Variants in KCNT2 observed in about 807,000 individuals in gnomAD.
KCNT2 encodes the protein potassium channel subfamily T member 2.
In KCNT2, 67 loss-of-function variants were observed where a neutral mutation model predicts 153.8. The ratio of observed to expected loss-of-function variants is 0.44; its 90% CI spans 0.36 to 0.53. KCNT2 has a LOEUF of 0.53. KCNT2 is among the 20% of genes least tolerant of loss of function. The pLI, the probability that KCNT2 is intolerant of heterozygous loss-of-function variation, is 0.00. For missense variants in KCNT2, 975 were observed against 1,354.8 expected (o/e 0.72, Z 4.40); for synonymous variants, 500 against 458.8 (o/e 1.09, Z -1.15).
At chr1:196,450,213 A>T (rs557877857) in intron 8 of KCNT2, among the ~76,000 whole-genome samples, 1 of 151,844 alleles carries the variant, frequency 6.6e-6, no homozygotes, top group African/African-American at 2.4e-5. Context: ...TGTGTCTTTC[A>T]TCCCTATATA....
At chr1:196,256,393 T>C (rs1000285668) in intron 26 of KCNT2, among the ~76,000 whole-genome samples, 16 of 152,140 alleles carry the variant, frequency 1.1e-4, no homozygotes, top group Non-Finnish European at 1.6e-4. Context: ...GCATTTTCCA[T>C]AAATTATAAT....
intron 8 of KCNT2, among the ~76,000 whole-genome samples, chr1:196,444,219 A>T (rs1300149757): frequency 1.3e-5 from 2 of 151,330 alleles, no homozygotes; most frequent in Non-Finnish European, 3.0e-5. Flanking sequence ...ATATTTCTTC[A>T]TATAAACTTT....
intron 1 of KCNT2, among the ~76,000 whole-genome samples, chr1:196,527,719 C>T (rs774157670): frequency 2.6e-5 from 4 of 152,060 alleles, no homozygotes; most frequent in African/African-American, 9.7e-5. Flanking sequence ...ATGAAGTTAC[C>T]ATTTGAAAAG....
intron 1 of KCNT2, among the ~76,000 whole-genome samples, chr1:196,586,355 T>A (rs1662676919): frequency 6.6e-6 from 1 of 152,184 alleles, no homozygotes; most frequent in African/African-American, 2.4e-5. Context: ...CCCCATTTTG[T>A]TGTTTTATTT....
chr1:196,475,208 T>A (rs1193862680), intron 5 of KCNT2, among the ~76,000 whole-genome samples: 1 of 152,222 alleles, frequency 6.6e-6, no homozygotes, highest in Non-Finnish European at 1.5e-5. Flanking sequence ...GGATTTGCTA[T>A]TAATATTACT....
At chr1:196,288,698 A>G (rs1466561675) in intron 22 of KCNT2, among the ~76,000 whole-genome samples, 1 of 152,098 alleles carries the variant, frequency 6.6e-6, no homozygotes, top group South Asian at 2.1e-4. Context: ...TAAAGTAGAG[A>G]GAAGATGAGG....
At chr1:196,457,624 A>C (rs2148640340) in intron 8 of KCNT2, among the ~76,000 whole-genome samples, 1 of 152,048 alleles carries the variant, frequency 6.6e-6, no homozygotes, top group African/African-American at 2.4e-5. Context: ...AAAATAAGGT[A>C]AATGTATTAA....
At chr1:196,483,785 C>A (rs1049733785) in intron 3 of KCNT2, among the ~76,000 whole-genome samples, 6 of 152,082 alleles carry the variant, frequency 3.9e-5, no homozygotes, top group African/African-American at 7.2e-5. Context: ...TGGCTGTATC[C>A]TTGCAATTAC....
At chr1:196,420,866 C>T (rs1673142552) in intron 12 of KCNT2, among the ~76,000 whole-genome samples, 1 of 152,160 alleles carries the variant, frequency 6.6e-6, no homozygotes, top group Admixed American at 6.6e-5. Flanking sequence ...GGATCAAATT[C>T]TCCAAATAGC....
At chr1:196,556,740 G>A (rs557061185) in intron 1 of KCNT2, among the ~76,000 whole-genome samples, 3 of 151,360 alleles carry the variant, frequency 2.0e-5, no homozygotes, top group African/African-American at 7.2e-5. Flanking sequence ...AGTGTCCGTC[G>A]ACAGGTGAAT....
intron 14 of KCNT2, among the ~76,000 whole-genome samples, chr1:196,367,926 A>G (rs956075706): frequency 2.0e-5 from 3 of 152,128 alleles, no homozygotes; most frequent in Non-Finnish European, 4.4e-5. Flanking sequence ...TCTTACCTAG[A>G]AGACTAGCCT....
intron 8 of KCNT2, among the ~76,000 whole-genome samples, chr1:196,438,090 A>G (rs1354461646): frequency 3.3e-5 from 5 of 151,746 alleles, no homozygotes; most frequent in African/African-American, 1.2e-4. Flanking sequence ...ATTGGCTATA[A>G]TGAGAAATAA....
At chr1:196,588,060 A>G (rs1662901822) in intron 1 of KCNT2, among the ~76,000 whole-genome samples, 2 of 152,054 alleles carry the variant, frequency 1.3e-5, no homozygotes, top group Admixed American at 1.3e-4. Flanking sequence ...CTATCAGCTG[A>G]GGCAAAGAAA....
intron 26 of KCNT2, among the ~76,000 whole-genome samples, chr1:196,243,695 G>C (rs768864251): frequency 2.0e-4 from 31 of 152,118 alleles, no homozygotes; most frequent in Non-Finnish European, 3.7e-4. Flanking sequence ...CAGAACCTGA[G>C]TTCTGGCAAG....
chr1:196,358,185 G>T (rs559112265), intron 14 of KCNT2, among the ~76,000 whole-genome samples: 1 of 150,598 alleles, frequency 6.6e-6, no homozygotes, highest in African/African-American at 2.4e-5. Flanking sequence ...TTCCAACTCT[G>T]CATTTTTATC....
intron 1 of KCNT2, among the ~76,000 whole-genome samples, chr1:196,542,542 T>TATA (rs1376373482): frequency 6.6e-6 from 1 of 152,136 alleles, no homozygotes; most frequent in Non-Finnish European, 1.5e-5. Context: ...ACCTTTCTTG[T>TATA]ATAATCCCCC....
intron 8 of KCNT2, among the ~76,000 whole-genome samples, chr1:196,456,375 G>C (rs959197535): frequency 6.6e-6 from 1 of 151,762 alleles, no homozygotes; most frequent in Non-Finnish European, 1.5e-5. Context: ...ATTGCTTCCA[G>C]AATTTAACGT....
chr1:196,587,888 A>G (rs1397072090), intron 1 of KCNT2, among the ~76,000 whole-genome samples: 1 of 152,068 alleles, frequency 6.6e-6, no homozygotes, highest in Non-Finnish European at 1.5e-5. Context: ...ATATACTGAC[A>G]TGCTCCACTG....
chr1:196,608,427 G>A lies in KCNT2; in HGVS notation c.-118C>T. 6.5e-6 allele frequency: 5 copies of A among 770,746 alleles called. No individual in the cohort carries two copies. The highest frequency in any genetic ancestry group is 6.1e-5 in the Admixed American group (3 of 49,554). 47.7% of individuals were successfully genotyped at this position (770,746 alleles called of 1,614,324 possible). A position where few individuals can be genotyped will look rare whatever the true frequency, so the allele number is the denominator to read the frequency against. On this transcript the variant is annotated 5_prime_UTR_variant, in exon 1 of 28. Coordinates refer to ENST00000294725, the MANE Select transcript of KCNT2 (RefSeq NM_198503.5). Reference sequence around the variant, plus strand: ...AAGACGCTGTGGCCGAGAGAGGGATGGGAGAAGGGGAAGGGGACAGGGAGG... The same window carrying A: ...AAGACGCTGTGGCCGAGAGAGGGATAGGAGAAGGGGAAGGGGACAGGGAGG...
Sources: gnomAD v4.1 joint callset for allele counts (sites outside exome capture counted in the v4.1 genomes callset) on GRCh38, gnomAD v4.1.1 for gene constraint, MANE v1.5 for transcripts, NCBI Gene and HGNC (gene_info 2026-07-23, HGNC 2026-07-21) for gene names.